The following WWOX variants were observed in gnomAD, a reference collection of about 807,000 sequenced individuals.
WWOX encodes WW domain-containing oxidoreductase.
In WWOX, 69 loss-of-function variants were observed where a neutral mutation model predicts 46.2. The observed-to-expected ratio is 1.49, with a 90% CI of 1.23 to 1.82. WWOX has a LOEUF of 1.82. Ranked by LOEUF, WWOX falls within the 40% of genes most tolerant of loss-of-function variation. The pLI, the probability that WWOX is intolerant of heterozygous loss-of-function variation, is 0.00. For synonymous variants in WWOX, 359 were observed against 202.6 expected, an observed-to-expected ratio of 1.77 and a Z score of -6.56; for missense variants, 919 against 542.6, an observed-to-expected ratio of 1.69 and a Z score of -6.89.
At chr16:78,524,668 C>T (rs190777370) in intron 8 of WWOX, among the ~76,000 whole-genome samples, 16 of 152,082 alleles carry the variant, frequency 1.1e-4, no homozygotes, top group Admixed American at 2.0e-4. Flanking sequence ...ATCCACCCGC[C>T]TCAGCCTCCC....
chr16:78,100,315 C>A, intron 1 of WWOX: 1 of 920,422 alleles, frequency 1.1e-6, no homozygotes, highest in Non-Finnish European at 1.3e-6. Flanking sequence ...TGCAGGGGTG[C>A]CATCATAGCC....
chr16:78,889,401 G>A (rs1039478126), intron 8 of WWOX, among the ~76,000 whole-genome samples: 13 of 131,508 alleles, frequency 9.9e-5, no homozygotes, highest in South Asian at 2.3e-4. Flanking sequence ...CCTGCAAACT[G>A]GGTCCCCCAT....
intron 8 of WWOX, among the ~76,000 whole-genome samples, chr16:78,782,937 A>G (rs1050840935): frequency 9.2e-5 from 14 of 152,186 alleles, no homozygotes; most frequent in Admixed American, 6.5e-5. Flanking sequence ...TGACTTAGGC[A>G]TAGATTTCTC....
In WWOX at chr16:78,218,582, G is replaced by GA. The variant is rs540201656; in HGVS notation, c.516+54303dup. 7.7e-4 allele frequency among the ~76,000 whole-genome samples: 115 copies of GA among 149,144 alleles called. 2 individuals carry two copies. The South Asian group carries it at 0.019, about 25-fold the overall frequency. On this transcript the variant is annotated intron_variant, in intron 5 of 8. Coordinates refer to ENST00000566780, the MANE Select transcript of WWOX (RefSeq NM_016373.4). ...GGAAAACTATTCTCCTTCTTCTAAGGAAAAAAAAAATGTCACGATAAAGCA... is the reference window on the plus strand; with the variant it reads ...GGAAAACTATTCTCCTTCTTCTAAGGAAAAAAAAAAATGTCACGATAAAGCA...
At chr16:78,412,142 T>C (rs2082695843) in intron 6 of WWOX, among the ~76,000 whole-genome samples, 1 of 152,172 alleles carries the variant, frequency 6.6e-6, no homozygotes, top group African/African-American at 2.4e-5. Context: ...TAGGGGTTCC[T>C]AATGAGCCTA....
intron 8 of WWOX, among the ~76,000 whole-genome samples, chr16:78,834,327 G>A (rs536055053): frequency 1.3e-5 from 2 of 152,108 alleles, no homozygotes; most frequent in African/African-American, 4.8e-5. Context: ...TTAAATAAGG[G>A]GTTAATTTAT....
At chr16:78,715,167 A>G (rs1261355842) in intron 8 of WWOX, among the ~76,000 whole-genome samples, 3 of 152,170 alleles carry the variant, frequency 2.0e-5, no homozygotes, top group African/African-American at 7.2e-5. Context: ...AAACACAGAG[A>G]TCAGTTAGAA....
rs143424447 is a variant in WWOX, at chr16:79,158,617, C to T, written c.1057-52991C>T. ...TGAACACACCAAGTTCCTGCATTCC[C>T]GCCTCAGGGCCTTCACCTTCAGCCT... On this transcript the variant is annotated intron_variant, in intron 8 of 8. Coordinates refer to ENST00000566780, the MANE Select transcript of WWOX (RefSeq NM_016373.4). 3.9e-4 allele frequency among the ~76,000 whole-genome samples: 60 copies of T among 152,328 alleles called. 1 individual carries two copies. In the East Asian group the frequency reaches 0.01, roughly 26 times the overall value.
intron 8 of WWOX, among the ~76,000 whole-genome samples, chr16:78,722,880 A>G (rs748565274): frequency 1.2e-4 from 18 of 151,880 alleles, no homozygotes; most frequent in Non-Finnish European, 2.5e-4. Flanking sequence ...AATGTCTACA[A>G]AAAGTATAAA....
At chr16:78,418,401 C>T (rs2151954532) in intron 6 of WWOX, among the ~76,000 whole-genome samples, 1 of 151,840 alleles carries the variant, frequency 6.6e-6, no homozygotes, top group South Asian at 2.1e-4. Context: ...ATCAATTTTC[C>T]ACAAACTCTT....
chr16:78,886,844 G>A (rs2044469053), intron 8 of WWOX, among the ~76,000 whole-genome samples: 1 of 152,062 alleles, frequency 6.6e-6, no homozygotes, highest in African/African-American at 2.4e-5. Flanking sequence ...TTCTTGGAAA[G>A]CTTTGTTAGA....
At chr16:78,180,906 A>C (rs1403798378) in intron 5 of WWOX, among the ~76,000 whole-genome samples, 2 of 152,262 alleles carry the variant, frequency 1.3e-5, no homozygotes, top group East Asian at 3.9e-4. Context: ...GTTGATCCGA[A>C]GTTAGTAAAG....
At chr16:78,887,899 A>G (rs1241625834) in intron 8 of WWOX, among the ~76,000 whole-genome samples, 1 of 152,194 alleles carries the variant, frequency 6.6e-6, no homozygotes, top group Non-Finnish European at 1.5e-5. Context: ...CATTTCATGT[A>G]AAATCTTCTT....
chr16:78,790,321 G>C (rs779010739), intron 8 of WWOX, among the ~76,000 whole-genome samples: 1 of 151,884 alleles, frequency 6.6e-6, no homozygotes, highest in Non-Finnish European at 1.5e-5. Flanking sequence ...TTTCAGTAGA[G>C]ATGGGGTTTC....
intron 8 of WWOX, among the ~76,000 whole-genome samples, chr16:79,012,127 A>T (rs1271072556): frequency 6.6e-6 from 1 of 152,178 alleles, no homozygotes; most frequent in Admixed American, 6.5e-5. Context: ...CGCGCTGTCC[A>T]ATAGAACTTT....
chr16:78,634,522 A>G (rs575095406), intron 8 of WWOX, among the ~76,000 whole-genome samples: 1 of 152,120 alleles, frequency 6.6e-6, no homozygotes, highest in South Asian at 2.1e-4. Flanking sequence ...CCTGGCCAAC[A>G]TGGTGAAACC....
At chr16:78,363,515 C>G (rs114444629) in intron 5 of WWOX, among the ~76,000 whole-genome samples, 3,577 of 152,182 alleles carry the variant, frequency 0.024, 144 homozygotes, top group African/African-American at 0.082. Flanking sequence ...CTGGGCTCAA[C>G]TGATCTTCCC....
intron 8 of WWOX, among the ~76,000 whole-genome samples, chr16:78,892,746 A>G (rs1333507753): frequency 6.6e-6 from 1 of 152,192 alleles, no homozygotes; most frequent in African/African-American, 2.4e-5. Context: ...TGTTGATGGC[A>G]TCCCACAACT....
intron 8 of WWOX, among the ~76,000 whole-genome samples, chr16:79,166,479 A>G (rs990018786): frequency 2.0e-5 from 3 of 151,872 alleles, no homozygotes; most frequent in South Asian, 2.1e-4. Context: ...AGACCATCCT[A>G]TTTTTCAACG....
Sources: allele counts gnomAD v4.1 joint callset (sites outside exome capture counted in the v4.1 genomes callset), GRCh38; gene constraint gnomAD v4.1.1; transcripts MANE v1.5; gene names NCBI Gene and HGNC (gene_info 2026-07-23, HGNC 2026-07-21).